Variants in KCNIP1 observed in about 807,000 individuals in gnomAD.
KCNIP1 encodes the protein potassium voltage-gated channel interacting protein 1, also known as A-type potassium channel modulatory protein KCNIP1.
Under a neutral mutation model 33.0 loss-of-function variants are expected in KCNIP1, and 18 were observed. That is an observed-to-expected ratio of 0.55 (90% CI 0.38 to 0.81). KCNIP1 has a LOEUF of 0.81. Ranked by LOEUF, KCNIP1 falls within the 30% of genes least tolerant of loss-of-function variation. KCNIP1 has a pLI of 0.00. For synonymous variants in KCNIP1, 93 were observed against 98.3 expected (o/e 0.95, Z 0.32); for missense variants, 238 against 271.6 (o/e 0.88, Z 0.87).
chr5:170,611,207 T>C (rs1759138634), intron 1 of KCNIP1, among the ~76,000 whole-genome samples: 1 of 152,182 alleles, frequency 6.6e-6, no homozygotes, highest in Non-Finnish European at 1.5e-5. Context: ...GTGCATCAGT[T>C]TTTAGAACTA....
At chr5:170,686,782 T>A (rs1214796811) in intron 1 of KCNIP1, among the ~76,000 whole-genome samples, 1 of 152,188 alleles carries the variant, frequency 6.6e-6, no homozygotes, top group Non-Finnish European at 1.5e-5. Context: ...GCTTAGTATA[T>A]TCCATGCAGC....
chr5:170,587,317 G>T (rs1758028953), intron 1 of KCNIP1, among the ~76,000 whole-genome samples: 1 of 149,258 alleles, frequency 6.7e-6, no homozygotes, highest in African/African-American at 2.5e-5. Flanking sequence ...GCTACTCCAA[G>T]AGGCTGAGGT....
At chr5:170,477,951 G>T (rs1756894950) in intron 1 of KCNIP1, among the ~76,000 whole-genome samples, 1 of 152,176 alleles carries the variant, frequency 6.6e-6, no homozygotes, top group African/African-American at 2.4e-5. Flanking sequence ...AACTCCAATA[G>T]AAGTGCCTCC....
intron 1 of KCNIP1, among the ~76,000 whole-genome samples, chr5:170,380,807 C>T (rs1471333067): frequency 6.6e-6 from 1 of 152,186 alleles, no homozygotes; most frequent in Non-Finnish European, 1.5e-5. Context: ...TGGAGTCAGA[C>T]AGGCCTGAGT....
At chr5:170,704,098 G>A (rs888589002) in intron 1 of KCNIP1, among the ~76,000 whole-genome samples, 2 of 136,788 alleles carry the variant, frequency 1.5e-5, no homozygotes, top group Non-Finnish European at 3.1e-5. Flanking sequence ...CTTACGCCAT[G>A]TTTTAAGGGT....
At chr5:170,535,830 TAA>T (rs997343714) in intron 1 of KCNIP1, among the ~76,000 whole-genome samples, 6 of 152,312 alleles carry the variant, frequency 3.9e-5, no homozygotes, top group Admixed American at 2.0e-4. Context: ...ACCAGATAAA[TAA>T]GATTTCAAAT....
At chr5:170,420,520 C>T (rs548045205) in intron 1 of KCNIP1, 9 of 129,770 alleles carry the variant, frequency 6.9e-5, no homozygotes, top group East Asian at 4.1e-4. Flanking sequence ...GCAACAAGAG[C>T]GAAACTCCAA....
chr5:170,688,793 C>A (rs775730309), intron 1 of KCNIP1, among the ~76,000 whole-genome samples: 2 of 152,172 alleles, frequency 1.3e-5, no homozygotes, highest in Non-Finnish European at 2.9e-5. Context: ...GATCTAAATT[C>A]TGGGACTATC....
intron 1 of KCNIP1, among the ~76,000 whole-genome samples, chr5:170,513,973 G>A (rs546093109): frequency 5.9e-5 from 9 of 152,282 alleles, no homozygotes; most frequent in South Asian, 2.1e-4. Flanking sequence ...AGTAGGAAAC[G>A]TAGATGCAGG....
At chr5:170,652,987 G>A (rs937283815) in intron 1 of KCNIP1, among the ~76,000 whole-genome samples, 4 of 152,206 alleles carry the variant, frequency 2.6e-5, no homozygotes, top group African/African-American at 9.7e-5. Flanking sequence ...CTGAAAGTCA[G>A]TAGGCCCAGA....
chr5:170,510,759 G>C (rs776120651), intron 1 of KCNIP1, among the ~76,000 whole-genome samples: 6 of 152,136 alleles, frequency 3.9e-5, no homozygotes, highest in Non-Finnish European at 8.8e-5. Context: ...TGGTGCGGTG[G>C]GGGGAAGTAG....
chr5:170,396,506 A>C (rs1754765900), intron 1 of KCNIP1, among the ~76,000 whole-genome samples: 1 of 152,384 alleles, frequency 6.6e-6, no homozygotes, highest in Middle Eastern at 3.4e-3. Context: ...TTAAGGAGAC[A>C]GAAGCTACAG....
At chr5:170,679,832 T>A (rs537880871) in intron 1 of KCNIP1, among the ~76,000 whole-genome samples, 1 of 152,130 alleles carries the variant, frequency 6.6e-6, no homozygotes, top group Non-Finnish European at 1.5e-5. Context: ...ATGTATGCAC[T>A]ATAATTTATG....
At chr5:170,530,952 G>T (rs1755765777) in intron 1 of KCNIP1, among the ~76,000 whole-genome samples, 1 of 152,184 alleles carries the variant, frequency 6.6e-6, no homozygotes, top group Non-Finnish European at 1.5e-5. Context: ...CATTGTTCTA[G>T]CTGGGGTGGC....
intron 1 of KCNIP1, among the ~76,000 whole-genome samples, chr5:170,708,224 G>A (rs1763324579): frequency 6.6e-6 from 1 of 152,148 alleles, no homozygotes; most frequent in African/African-American, 2.4e-5. Context: ...AGGGAACGCT[G>A]TCAATCAAAA....
chr5:170,648,522 C>G (rs900194165), intron 1 of KCNIP1, among the ~76,000 whole-genome samples: 10 of 152,142 alleles, frequency 6.6e-5, no homozygotes, highest in African/African-American at 2.2e-4. Flanking sequence ...GTGAAAAAAG[C>G]CAATCATGCT....
In KCNIP1 at chr5:170,436,939, G is replaced by A. The variant is rs139551894; in HGVS notation, c.88+82975G>A. 1.9e-3 allele frequency among the ~76,000 whole-genome samples: 286 copies of A among 152,310 alleles called. 2 individuals carry two copies. The highest frequency in any genetic ancestry group is 6.5e-3 in the African/African-American group (271 of 41,566). On this transcript the variant is annotated intron_variant, in intron 1 of 7. Coordinates refer to the KCNIP1 transcript ENST00000377360. The stretch of plus-strand genomic sequence containing the variant: ...CATGGCTGAGGCACCTGTAACAAAA[G>A]ACAGACTCACAAGAGAAAAGCAACC...
chr5:170,447,278 T>C (rs1452266946), intron 1 of KCNIP1, among the ~76,000 whole-genome samples: 2 of 147,916 alleles, frequency 1.4e-5, no homozygotes, highest in Admixed American at 1.4e-4. Flanking sequence ...TGACTGAATT[T>C]GGGTCAAATA....
At position 170,601,566 on chromosome 5, in the gene KCNIP1, G is replaced by A. The variant is rs530411161; in HGVS notation, c.61+96933G>A. Among the ~76,000 whole-genome samples the A allele has an allele frequency of 2.0e-4, 30 of 152,302 alleles. No individual in the cohort carries two copies. In the East Asian group the frequency reaches 5.2e-3, roughly 26 times the overall value. ...GTTGTATTAAAAAGCCATGCGAGAC[G>A]GAAGAAGGAAATTGAATGAAATTTG... On this transcript the variant is annotated intron_variant, in intron 1 of 7. Coordinates refer to ENST00000328939, the MANE Select transcript of KCNIP1 (RefSeq NM_014592.4).
Sources: gnomAD v4.1 joint callset for allele counts (sites outside exome capture counted in the v4.1 genomes callset) on GRCh38, gnomAD v4.1.1 for gene constraint, MANE v1.5 for transcripts, NCBI Gene and HGNC (gene_info 2026-07-23, HGNC 2026-07-21) for gene names.